NSUN6: variants seen among roughly 807,000 people sequenced by gnomAD.
The protein encoded by NSUN6 is NOP2/Sun RNA methyltransferase 6.
In NSUN6, 64 loss-of-function variants were observed where a neutral mutation model predicts 58.0. The ratio of observed to expected loss-of-function variants is 1.10; its 90% confidence interval spans 0.90 to 1.36. NSUN6 has a LOEUF of 1.36. Among genes scored for constraint, NSUN6 ranks in the 40% most tolerant of loss-of-function variants. NSUN6 has a pLI of 0.00. For synonymous variants in NSUN6, 231 were observed against 193.9 expected, an observed-to-expected ratio of 1.19 and a Z score of -1.59; for missense variants, 701 against 550.1, an observed-to-expected ratio of 1.27 and a Z score of -2.74.
At chr10:18,550,718 C>CA (rs202103632) in intron 9 of NSUN6, among the ~76,000 whole-genome samples, 32 of 128,980 alleles carry the variant, frequency 2.5e-4, no homozygotes, top group East Asian at 5.4e-4. Flanking sequence ...AGACGACCCC[C>CA]AAAAAATCTC....
intron 2 of NSUN6, among the ~76,000 whole-genome samples, chr10:18,647,805 G>A (rs961068364): frequency 1.4e-5 from 2 of 143,428 alleles, no homozygotes; most frequent in Admixed American, 7.4e-5. Flanking sequence ...TGCAATTTCG[G>A]CTCACTGCAA....
In NSUN6 at chr10:18,651,393, C is replaced by T; in HGVS notation, c.-190G>A. On this transcript the variant is annotated 5_prime_UTR_variant, in exon 1 of 11. Transcript: ENST00000377304. The stretch of plus-strand genomic sequence containing the variant: ...CTCAAGCCTAGCCGATTAGAAGGGG[C>T]TGCCGGGCTTCCACCACACCTCATC... 7.7e-7 allele frequency: 1 copy of T among 1,294,034 alleles called. No individual in the cohort carries two copies. Among genetic ancestry groups the T allele is most frequent in the African/African-American group, 1.5e-5 (1 of 64,956 alleles). The allele number at this position is 1,294,034 out of a possible 1,614,324, so 80.2% of individuals were successfully genotyped here.
chr10:18,622,785 T>C (rs1476526174), intron 3 of NSUN6, among the ~76,000 whole-genome samples: 1 of 152,242 alleles, frequency 6.6e-6, no homozygotes, highest in African/African-American at 2.4e-5. Flanking sequence ...AAGAGATTTA[T>C]GCTGTTGAAT....
At chr10:18,547,125 T>C (rs2054320525) in intron 10 of NSUN6, among the ~76,000 whole-genome samples, 1 of 152,168 alleles carries the variant, frequency 6.6e-6, no homozygotes, top group African/African-American at 2.4e-5. Flanking sequence ...AATTTAAGGC[T>C]GTATCAATTA....
rs762542795 is a variant in NSUN6, at chr10:18,548,128, A to C, written c.1181T>G (p.Leu394Arg). ...VAWALTKFPC[L>R]QLQPQEPQIG... ...TACTCCTACCTGGGGCTGAAGCTGA[A>C]GGCAAGGAAATTTTGTCAGGGCCCA... The change falls in exon 10 of 11, where the codon CTT (leucine) becomes CGT (arginine). Residue 394 changes from leucine (L) to arginine (R), a missense_variant. By Grantham distance (102) the Leu-to-Arg change is moderately radical. Transcript: ENST00000377304. 2 of 1,613,914 alleles carry C rather than the reference A, an allele frequency of 1.2e-6. No individual in the cohort carries two copies. Among genetic ancestry groups the C allele is most frequent in the Non-Finnish European group, 1.7e-6 (2 of 1,179,902 alleles).
At chr10:18,574,222 T>C (rs2056537830) in intron 8 of NSUN6, among the ~76,000 whole-genome samples, 4 of 151,922 alleles carry the variant, frequency 2.6e-5, no homozygotes, top group African/African-American at 9.7e-5. Flanking sequence ...CAGTTATTAG[T>C]CGAAGAAAGC....
chr10:18,593,031 A>T (rs1322916488), intron 7 of NSUN6, among the ~76,000 whole-genome samples: 1 of 152,212 alleles, frequency 6.6e-6, no homozygotes, highest in Non-Finnish European at 1.5e-5. Context: ...AAATCCCATC[A>T]AAAAGTGGAC....
At chr10:18,551,123 G>C (rs1564700021) in intron 9 of NSUN6, among the ~76,000 whole-genome samples, 1 of 151,834 alleles carries the variant, frequency 6.6e-6, no homozygotes, top group Non-Finnish European at 1.5e-5. Flanking sequence ...ACTTTTTTCA[G>C]ATAGAGAATA....
Position 18,551,902 on chromosome 10 carries a change from T to C in NSUN6, c.992A>G (p.Gln331Arg). 6.2e-7 allele frequency: 1 copy of C among 1,612,410 alleles called. No individual in the cohort carries two copies. Among genetic ancestry groups the C allele is most frequent in the Non-Finnish European group, 8.5e-7 (1 of 1,178,546 alleles). The change falls in exon 9 of 11, where the codon CAG becomes CGG. Residue 331 changes from glutamine (Q) to arginine (R), a missense_variant. Gln to Arg is a conservative substitution (Grantham distance 43). Transcript: ENST00000377304. ...LLDAPCSGMGQRPNMACTWSV... is the reference protein window; with the variant it reads ...LLDAPCSGMGRRPNMACTWSV... Reference sequence around the variant, plus strand: ...CCAAGTACAGGCCATGTTTGGTCTCTGTCCCATTCCACTACAGGGTGCATC... The same window carrying C: ...CCAAGTACAGGCCATGTTTGGTCTCCGTCCCATTCCACTACAGGGTGCATC...
intron 3 of NSUN6, among the ~76,000 whole-genome samples, chr10:18,624,708 T>C (rs545279992): frequency 2.8e-4 from 37 of 133,118 alleles, no homozygotes; most frequent in Non-Finnish European, 5.3e-4. Flanking sequence ...AGTTGAAGAA[T>C]ATGTTAACAG....
chr10:18,652,951 A>T (rs1260878165), upstream of NSUN6: 1 of 983,842 alleles, frequency 1.0e-6, no homozygotes, highest in African/African-American at 1.7e-5. Flanking sequence ...AAAGACTAGT[A>T]ATTTGGCTTC....
chr10:18,557,501 T>G (rs1457241367), intron 8 of NSUN6, among the ~76,000 whole-genome samples: 1 of 146,150 alleles, frequency 6.8e-6, no homozygotes, highest in Non-Finnish European at 1.5e-5. Flanking sequence ...TGGAATGGAA[T>G]GGAGAATAGA....
intron 8 of NSUN6, among the ~76,000 whole-genome samples, chr10:18,555,158 G>A (rs1455186683): frequency 1.3e-5 from 2 of 148,252 alleles, no homozygotes; most frequent in Non-Finnish European, 3.0e-5. Context: ...TGGAATGGAG[G>A]ATGGAATGGA....
At chr10:18,620,221 G>A (rs1031562002) in intron 3 of NSUN6, among the ~76,000 whole-genome samples, 1 of 152,012 alleles carries the variant, frequency 6.6e-6, no homozygotes, top group Non-Finnish European at 1.5e-5. Flanking sequence ...CTGAGTAGCT[G>A]AGACTACAGG....
chr10:18,567,485 TTCCATTCCATTC>T (rs1313797118), intron 8 of NSUN6, among the ~76,000 whole-genome samples: 12 of 150,904 alleles, frequency 8.0e-5, no homozygotes, highest in Non-Finnish European at 1.3e-4. Flanking sequence ...CCATCCTCCA[TTCCATTCCATTC>T]TCCATTCCAT....
At chr10:18,589,283 C>T (rs573631728) in intron 7 of NSUN6, among the ~76,000 whole-genome samples, 3 of 152,192 alleles carry the variant, frequency 2.0e-5, no homozygotes, top group African/African-American at 7.2e-5. Context: ...AAAGACCAAA[C>T]CCATGAATGA....
At chr10:18,641,343 C>T (rs1435163335) in intron 3 of NSUN6, among the ~76,000 whole-genome samples, 1 of 151,160 alleles carries the variant, frequency 6.6e-6, no homozygotes, top group African/African-American at 2.4e-5. Context: ...CCATTATAAT[C>T]ATTATACTAT....
chr10:18,615,106 C>CATATATATATATATATATATAT, intron 4 of NSUN6, among the ~76,000 whole-genome samples: 2 of 147,068 alleles, frequency 1.4e-5, no homozygotes, highest in African/African-American at 5.0e-5. Flanking sequence ...TATAGTCATT[C>CATATATATATATATATATATAT]ATATATATAT....
intron 7 of NSUN6, among the ~76,000 whole-genome samples, chr10:18,588,058 G>C (rs11015020): frequency 0.053 from 8,002 of 152,292 alleles, 291 homozygotes; most frequent in Non-Finnish European, 0.077. Context: ...CAGCAGTCTG[G>C]AGTCAACGTG....
Sources: allele counts gnomAD v4.1 joint callset (sites outside exome capture counted in the v4.1 genomes callset), GRCh38; gene constraint gnomAD v4.1.1; transcripts MANE v1.5; gene names NCBI Gene and HGNC (gene_info 2026-07-23, HGNC 2026-07-21).